Variants in DPP10 observed in about 807,000 individuals in gnomAD.
DPP10 encodes the protein dipeptidyl peptidase like 10.
In DPP10, 33 loss-of-function variants were observed where a neutral mutation model predicts 120.9. That is an observed-to-expected ratio of 0.27 (90% confidence interval 0.21 to 0.37). The LOEUF is 0.37. Among genes scored for constraint, DPP10 ranks in the 10% least tolerant of loss-of-function variants. DPP10 has a pLI of 1.00. For synonymous variants in DPP10, 337 were observed against 326.1 expected, an observed-to-expected ratio of 1.03 and a Z score of -0.36; for missense variants, 816 against 942.8, an observed-to-expected ratio of 0.87 and a Z score of 1.76.
chr2:115,383,289 A>T (rs905842884), intron 3 of DPP10, among the ~76,000 whole-genome samples: 1 of 152,178 alleles, frequency 6.6e-6, no homozygotes, highest in African/African-American at 2.4e-5. Context: ...TAAGTCTCAC[A>T]AGATATGATG....
chr2:115,427,592 C>T (rs769718515), intron 3 of DPP10, among the ~76,000 whole-genome samples: 20 of 152,146 alleles, frequency 1.3e-4, no homozygotes, highest in Non-Finnish European at 2.1e-4. Flanking sequence ...TAACACTGGG[C>T]AGTAGCACTC....
chr2:115,537,132 T>A (rs1034168541), intron 5 of DPP10, among the ~76,000 whole-genome samples: 2 of 152,064 alleles, frequency 1.3e-5, no homozygotes, highest in Admixed American at 6.6e-5. Context: ...CCAACCTTCT[T>A]CTTTAGCTTT....
chr2:114,903,819 C>T (rs1693775263), intron 1 of DPP10, among the ~76,000 whole-genome samples: 1 of 152,114 alleles, frequency 6.6e-6, no homozygotes, highest in South Asian at 2.1e-4. Context: ...CATGCACATA[C>T]ATCAAGGAAA....
intron 1 of DPP10, among the ~76,000 whole-genome samples, chr2:114,811,550 A>G (rs1026860626): frequency 1.0e-4 from 15 of 149,988 alleles, no homozygotes; most frequent in African/African-American, 3.7e-4. Context: ...TCCAATTCCA[A>G]CTCCACTCTC....
chr2:115,132,326 TCTTA>T (rs1053606068), intron 1 of DPP10, among the ~76,000 whole-genome samples: 13 of 152,068 alleles, frequency 8.5e-5, no homozygotes, highest in African/African-American at 2.9e-4. Flanking sequence ...GTTTTCAGAC[TCTTA>T]CTTAATCTTT....
intron 1 of DPP10, among the ~76,000 whole-genome samples, chr2:114,718,115 A>C (rs1433340788): frequency 6.6e-6 from 1 of 152,010 alleles, no homozygotes; most frequent in Non-Finnish European, 1.5e-5. Context: ...CCATAGTTCA[A>C]CATAAAAATG....
At chr2:114,896,948 G>A (rs78695690) in intron 1 of DPP10, among the ~76,000 whole-genome samples, 40,360 of 151,900 alleles carry the variant, frequency 0.27, 5,955 homozygotes, top group East Asian at 0.59. Flanking sequence ...AGCATGAAGC[G>A]TTGTTGAATT....
chr2:115,093,513 T>C (rs10184194), intron 1 of DPP10, among the ~76,000 whole-genome samples: 94 of 152,248 alleles, frequency 6.2e-4, no homozygotes, highest in African/African-American at 2.1e-3. Flanking sequence ...GTTTATCTAT[T>C]TTTCTTTGGA....
intron 3 of DPP10, among the ~76,000 whole-genome samples, chr2:115,422,495 A>G (rs2070068144): frequency 6.6e-6 from 1 of 152,178 alleles, no homozygotes; most frequent in Non-Finnish European, 1.5e-5. Context: ...TACTCAAGAT[A>G]AGCAAAGATT....
At chr2:114,689,569 A>G (rs910502198) in intron 1 of DPP10, among the ~76,000 whole-genome samples, 1 of 152,012 alleles carries the variant, frequency 6.6e-6, no homozygotes, top group Non-Finnish European at 1.5e-5. Context: ...TTCATATAGT[A>G]TAATTTATAT....
intron 1 of DPP10, among the ~76,000 whole-genome samples, chr2:114,781,973 TA>T (rs1166325000): frequency 1.3e-5 from 2 of 152,134 alleles, no homozygotes; most frequent in African/African-American, 2.4e-5. Context: ...TTGTGTATGA[TA>T]TTTTTTATTC....
intron 1 of DPP10, among the ~76,000 whole-genome samples, chr2:115,192,736 A>G (rs2054971822): frequency 6.6e-6 from 1 of 152,130 alleles, no homozygotes; most frequent in South Asian, 2.1e-4. Context: ...CCTTGTAGAC[A>G]TATTTATCCA....
chr2:115,289,116 G>A (rs1167059545), intron 1 of DPP10, among the ~76,000 whole-genome samples: 2 of 152,114 alleles, frequency 1.3e-5, no homozygotes, highest in African/African-American at 4.8e-5. Context: ...CAAAATCTAT[G>A]TGAAGAAATC....
chr2:115,467,763 T>C (rs977387764), intron 3 of DPP10, among the ~76,000 whole-genome samples: 1 of 152,156 alleles, frequency 6.6e-6, no homozygotes, highest in African/African-American at 2.4e-5. Flanking sequence ...GACTTTTGAC[T>C]ACAATGGAAT....
At chr2:114,573,037 G>A (rs919636913) in intron 1 of DPP10, among the ~76,000 whole-genome samples, 1 of 152,236 alleles carries the variant, frequency 6.6e-6, no homozygotes, top group African/African-American at 2.4e-5. Context: ...AGACTAGAGT[G>A]CAATGGTGTG....
intron 1 of DPP10, among the ~76,000 whole-genome samples, chr2:114,968,996 T>C (rs1356167430): frequency 2.0e-5 from 3 of 152,248 alleles, no homozygotes; most frequent in Non-Finnish European, 4.4e-5. Context: ...CGTTCAGATT[T>C]GTTATGCATT....
chr2:115,472,936 A>G (rs866773296), intron 3 of DPP10, among the ~76,000 whole-genome samples: 10 of 152,312 alleles, frequency 6.6e-5, no homozygotes, highest in Middle Eastern at 6.8e-3. Context: ...CAGGTCATAC[A>G]AGAAGATTGG....
intron 1 of DPP10, among the ~76,000 whole-genome samples, chr2:114,720,475 G>C (rs1453083498): frequency 6.6e-6 from 1 of 152,056 alleles, no homozygotes; most frequent in Non-Finnish European, 1.5e-5. Context: ...GTTATATTTG[G>C]AAAGAATGAA....
intron 1 of DPP10, among the ~76,000 whole-genome samples, chr2:115,247,880 A>G (rs2058601880): frequency 6.6e-6 from 1 of 152,176 alleles, no homozygotes; most frequent in Non-Finnish European, 1.5e-5. Context: ...TCCTATTCCA[A>G]CTAGCTAATG....
Sources: allele counts gnomAD v4.1 joint callset (sites outside exome capture counted in the v4.1 genomes callset), GRCh38; gene constraint gnomAD v4.1.1; transcripts MANE v1.5; gene names NCBI Gene and HGNC (gene_info 2026-07-23, HGNC 2026-07-21).